NKAIN3: variants seen among roughly 807,000 people sequenced by gnomAD.
NKAIN3 encodes sodium/potassium transporting ATPase interacting 3, also known as sodium/potassium-transporting ATPase subunit beta-1-interacting protein 3.
A neutral mutation model predicts 30.2 loss-of-function variants in NKAIN3; 25 were observed. The observed-to-expected ratio is 0.83, with a 90% CI of 0.60 to 1.16. The LOEUF is 1.16. NKAIN3 is among the 50% of genes most tolerant of loss of function. The pLI is 0.00. For missense variants in NKAIN3, 225 were observed against 254.1 expected (o/e 0.89, Z 0.78); for synonymous variants, 91 against 89.6 (o/e 1.02, Z -0.09).
At chr8:62,926,588 C>T (rs977525842) in intron 5 of NKAIN3, among the ~76,000 whole-genome samples, 14 of 152,202 alleles carry the variant, frequency 9.2e-5, no homozygotes, top group Non-Finnish European at 1.5e-5. Flanking sequence ...TCACCCTAGC[C>T]TCATTTTAGA....
At chr8:62,371,272 T>G (rs1413439693) in intron 1 of NKAIN3, among the ~76,000 whole-genome samples, 1 of 151,968 alleles carries the variant, frequency 6.6e-6, no homozygotes, top group Non-Finnish European at 1.5e-5. Context: ...ACAATTTTTT[T>G]TCTTAATTCT....
At chr8:62,840,436 AAAC>A (rs1819498110) in intron 4 of NKAIN3, among the ~76,000 whole-genome samples, 1 of 151,884 alleles carries the variant, frequency 6.6e-6, no homozygotes. Context: ...AAAAAAAAAA[AAAC>A]AATCAGAGAG....
chr8:62,518,842 C>A (rs1038831772), intron 1 of NKAIN3, among the ~76,000 whole-genome samples: 1 of 151,976 alleles, frequency 6.6e-6, no homozygotes, highest in Non-Finnish European at 1.5e-5. Context: ...GACCTGGATT[C>A]TAGCTCAGAT....
chr8:62,401,937 T>C (rs1430023306), intron 1 of NKAIN3, among the ~76,000 whole-genome samples: 1 of 152,164 alleles, frequency 6.6e-6, no homozygotes, highest in African/African-American at 2.4e-5. Context: ...CTATGTTAAC[T>C]CAAGTTTCTA....
intron 1 of NKAIN3, among the ~76,000 whole-genome samples, chr8:62,416,048 G>A (rs958760435): frequency 2.0e-5 from 3 of 152,032 alleles, no homozygotes; most frequent in Non-Finnish European, 4.4e-5. Flanking sequence ...GAGCCACCAC[G>A]CCTGGCCTAA....
intron 4 of NKAIN3, chr8:62,863,477 T>C: frequency 6.4e-7 from 1 of 1,552,496 alleles, no homozygotes; most frequent in Non-Finnish European, 8.8e-7. Flanking sequence ...TGTCAAATGA[T>C]ACTCTTCAGA....
chr8:62,507,283 T>C, intron 1 of NKAIN3, among the ~76,000 whole-genome samples: 1 of 152,210 alleles, frequency 6.6e-6, no homozygotes, highest in East Asian at 1.9e-4. Flanking sequence ...ATGCTGTTTG[T>C]GGATTATGAG....
intron 3 of NKAIN3, among the ~76,000 whole-genome samples, chr8:62,733,839 C>T (rs1815560525): frequency 6.6e-6 from 1 of 152,188 alleles, no homozygotes; most frequent in African/African-American, 2.4e-5. Context: ...AAATCATTGA[C>T]TGTCTCTTAA....
chr8:62,313,395 A>G (rs1345683777), intron 1 of NKAIN3, among the ~76,000 whole-genome samples: 1 of 152,148 alleles, frequency 6.6e-6, no homozygotes, highest in Non-Finnish European at 1.5e-5. Context: ...AATCCTATTT[A>G]GAATTCTGTT....
At chr8:62,525,450 T>C (rs1179330242) in intron 1 of NKAIN3, among the ~76,000 whole-genome samples, 5 of 152,190 alleles carry the variant, frequency 3.3e-5, no homozygotes, top group African/African-American at 1.2e-4. Context: ...TTCTTGTCCA[T>C]GTGTTCTCAT....
chr8:62,977,329 C>T lies in NKAIN3; in HGVS notation c.*11922C>T, dbSNP rs1823965317. 6.6e-6 allele frequency among the ~76,000 whole-genome samples: 1 copy of T among 152,146 alleles called. No homozygotes were observed. The highest frequency in any genetic ancestry group is 1.5e-5 in the Non-Finnish European group (1 of 68,030). On this transcript the variant is annotated 3_prime_UTR_variant, in exon 7 of 7. Transcript: ENST00000623646. ...ATTCTCCCCATCACTTTTAGGTACA[C>T]CAATCAAACGTTGGCTTGGTCTTTT... is the stretch of plus-strand genomic sequence containing the variant.
chr8:62,911,695 C>T (rs75933289), intron 4 of NKAIN3, among the ~76,000 whole-genome samples: 1,875 of 152,008 alleles, frequency 0.012, 15 homozygotes, highest in Middle Eastern at 0.024. Context: ...GACACTAGAA[C>T]TCATGTTGCC....
chr8:62,423,360 T>C (rs895471180), intron 1 of NKAIN3, among the ~76,000 whole-genome samples: 1 of 151,246 alleles, frequency 6.6e-6, no homozygotes, highest in Admixed American at 6.6e-5. Flanking sequence ...TCTCAAGTTC[T>C]TCATCTCCAG....
chr8:62,945,799 C>T (rs1823107594), intron 5 of NKAIN3, among the ~76,000 whole-genome samples: 1 of 152,146 alleles, frequency 6.6e-6, no homozygotes, highest in Admixed American at 6.5e-5. Context: ...GGGGAGACTT[C>T]CAGACCCTCC....
At chr8:62,497,011 C>G (rs1807263441) in intron 1 of NKAIN3, among the ~76,000 whole-genome samples, 1 of 151,856 alleles carries the variant, frequency 6.6e-6, no homozygotes, top group African/African-American at 2.4e-5. Context: ...AATGAGTGTT[C>G]ACAATTAAGA....
At chr8:62,872,765 T>C (rs750379400) in intron 4 of NKAIN3, among the ~76,000 whole-genome samples, 9 of 152,154 alleles carry the variant, frequency 5.9e-5, no homozygotes, top group Non-Finnish European at 8.8e-5. Context: ...CCAGCCAAAT[T>C]AAGCTTCATA....
At chr8:62,959,980 C>A (rs1177313305) in intron 6 of NKAIN3, among the ~76,000 whole-genome samples, 1 of 152,036 alleles carries the variant, frequency 6.6e-6, no homozygotes. Flanking sequence ...TAGCTTTGGA[C>A]CTCTTTCCCT....
At chr8:62,760,892 A>C (rs960826889) in intron 4 of NKAIN3, among the ~76,000 whole-genome samples, 13 of 152,196 alleles carry the variant, frequency 8.5e-5, no homozygotes, top group Non-Finnish European at 1.6e-4. Flanking sequence ...CCTGGCAGTC[A>C]GGAACCTTAA....
At chr8:62,646,320 G>C (rs936147968) in intron 3 of NKAIN3, among the ~76,000 whole-genome samples, 16 of 152,014 alleles carry the variant, frequency 1.1e-4, no homozygotes, top group Non-Finnish European at 7.4e-5. Flanking sequence ...AATAATGTAG[G>C]AGGCATTCAT....
Sources: allele counts gnomAD v4.1 joint callset (sites outside exome capture counted in the v4.1 genomes callset), GRCh38; gene constraint gnomAD v4.1.1; transcripts MANE v1.5; gene names NCBI Gene and HGNC (gene_info 2026-07-23, HGNC 2026-07-21).